FSAF1: variants seen among roughly 807,000 people sequenced by gnomAD.
The protein encoded by FSAF1 is uncharacterized protein C1orf131.
the FSAF1 span, among the ~76,000 whole-genome samples, chr1:231,235,631 C>T: frequency 6.6e-6 from 1 of 152,182 alleles, no homozygotes; most frequent in East Asian, 1.9e-4. Flanking sequence ...AAACAAGACC[C>T]CAACTCTACA....
chr1:231,235,369 C>T, the FSAF1 span, among the ~76,000 whole-genome samples: 1 of 152,050 alleles, frequency 6.6e-6, no homozygotes, highest in South Asian at 2.1e-4. Flanking sequence ...TGGTTGTGTG[C>T]ACCTGTAGTC....
chr1:231,239,262 G>C, the FSAF1 span: 10 of 1,308,238 alleles, frequency 7.6e-6, no homozygotes, highest in Non-Finnish European at 9.3e-6. Context: ...TCCTACGAAT[G>C]TATTTGTACA....
the FSAF1 span, among the ~76,000 whole-genome samples, chr1:231,227,251 CACA>C: frequency 1.3e-5 from 2 of 152,294 alleles, no homozygotes; most frequent in East Asian, 3.9e-4. Flanking sequence ...CACCATCTCT[CACA>C]ACATCTTTCT....
chr1:231,226,500 G>A, the FSAF1 span: 2 of 572,758 alleles, frequency 3.5e-6, no homozygotes, highest in African/African-American at 1.9e-5. Context: ...TTCCTTTACA[G>A]CAACAAAAAC....
At chr1:231,230,250 A>C in the FSAF1 span, among the ~76,000 whole-genome samples, 1 of 152,050 alleles carries the variant, frequency 6.6e-6, no homozygotes, top group Non-Finnish European at 1.5e-5. Flanking sequence ...ACACACAGAA[A>C]ATTCTGCTTG....
chr1:231,239,204 CAAG>C, the FSAF1 span: 1 of 1,523,348 alleles, frequency 6.6e-7, no homozygotes, highest in Middle Eastern at 1.8e-4. Context: ...TGTTCAAACA[CAAG>C]AAGGAAAATA....
the FSAF1 span, chr1:231,227,144 TG>T: frequency 8.3e-6 from 12 of 1,445,400 alleles, no homozygotes; most frequent in Admixed American, 3.4e-5. Flanking sequence ...CCAGAAGTAA[TG>T]CATTTCAGAT....
chr1:231,226,887 C>T, the FSAF1 span: 5 of 1,593,044 alleles, frequency 3.1e-6, no homozygotes, highest in East Asian at 2.2e-5. Flanking sequence ...GTTCCAGTGT[C>T]CCTTGCCCTG....
chr1:231,224,898 C>A, the FSAF1 span: 1 of 165,952 alleles, frequency 6.0e-6, no homozygotes, highest in Admixed American at 5.7e-5. Flanking sequence ...CCTAAGACAC[C>A]CACATGCCTG....
At chr1:231,226,811 A>C in the FSAF1 span, 2 of 1,608,040 alleles carry the variant, frequency 1.2e-6, no homozygotes, top group South Asian at 1.1e-5. Context: ...AATTCACATA[A>C]CTCTTTTTAG....
chr1:231,239,981 C>T, the FSAF1 span, among the ~76,000 whole-genome samples: 1 of 152,184 alleles, frequency 6.6e-6, no homozygotes, highest in Non-Finnish European at 1.5e-5. Context: ...TTCTCAAGGT[C>T]AGAGACTAAG....
the FSAF1 span, chr1:231,229,034 C>T: frequency 9.5e-6 from 6 of 631,648 alleles, no homozygotes; most frequent in East Asian, 3.0e-5. Context: ...ATCTATACTA[C>T]ATAGTTTGCA....
the FSAF1 span, chr1:231,239,332 T>G: frequency 1.4e-6 from 1 of 705,532 alleles, no homozygotes; most frequent in Non-Finnish European, 2.1e-6. Flanking sequence ...TTGTTTTCTT[T>G]CAAATAAGTG....
the FSAF1 span, chr1:231,224,387 A>G: frequency 1.2e-6 from 2 of 1,610,712 alleles, no homozygotes; most frequent in South Asian, 2.2e-5. Context: ...TTGACAAAAT[A>G]CTGGGAGCGG....
chr1:231,239,014 C>T, the FSAF1 span: 4 of 1,614,064 alleles, frequency 2.5e-6, no homozygotes, highest in Non-Finnish European at 3.4e-6. Flanking sequence ...AGCACAATGC[C>T]GCTCTTCTCT....
the FSAF1 span, chr1:231,224,338 T>A: frequency 6.2e-7 from 1 of 1,613,944 alleles, no homozygotes; most frequent in Non-Finnish European, 8.5e-7. Context: ...AGAATCAGTG[T>A]TCCATTTTTG....
chr1:231,234,661 T>C, the FSAF1 span, among the ~76,000 whole-genome samples: 1 of 152,234 alleles, frequency 6.6e-6, no homozygotes, highest in East Asian at 1.9e-4. This position sits in a 1 kb window ranked among gnomAD's most constrained non-coding sequence, Gnocchi z 4.0. Flanking sequence ...ATGAAATTCT[T>C]TGGTGGCTTC....
chr1:231,239,254 C>G, the FSAF1 span: 5 of 1,365,064 alleles, frequency 3.7e-6, no homozygotes, highest in East Asian at 1.2e-4. Context: ...GTATCAAATC[C>G]TACGAATGTA....
chr1:231,227,164 C>T, the FSAF1 span: 1 of 1,291,422 alleles, frequency 7.7e-7, no homozygotes, highest in Non-Finnish European at 1.1e-6. Context: ...ATCCACCGCT[C>T]TGTAATGACA....
Sources: gnomAD v4.1 joint callset for allele counts (sites outside exome capture counted in the v4.1 genomes callset) on GRCh38, gnomAD v4.1.1 for gene constraint, Gnocchi (gnomAD v3.1) non-coding constraint, MANE v1.5 for transcripts, NCBI Gene and HGNC (gene_info 2026-07-23, HGNC 2026-07-21) for gene names.